ALK: variants seen among roughly 807,000 people sequenced by gnomAD.
The protein encoded by ALK is ALK receptor tyrosine kinase.
Under a neutral mutation model 163.1 loss-of-function variants are expected in ALK, and 74 were observed. That is an observed-to-expected ratio of 0.45 (90% CI 0.38 to 0.55). The LOEUF is 0.55. Among genes scored for constraint, ALK ranks in the 20% least tolerant of loss-of-function variants. ALK has a pLI of 0.00. For synonymous variants in ALK, 960 were observed against 843.2 expected (o/e 1.14, Z -2.40); for missense variants, 2,063 against 2,105.3 (o/e 0.98, Z 0.39).
Position 29,920,731 on chromosome 2 carries a change from A to AGGCTCTGAACAGTCCTTGGTACCCAGC in ALK, c.-99_-73dup, listed in dbSNP as rs1667978118. On this transcript the variant is annotated 5_prime_UTR_variant, in exon 1 of 29. Coordinates refer to ENST00000389048, the MANE Select transcript of ALK (RefSeq NM_004304.5). The stretch of plus-strand genomic sequence containing the variant: ...CCTTCGCTCTCCCCGAGATGGGAAG[A>AGGCTCTGAACAGTCCTTGGTACCCAGC]GGCTCTGAACAGTCCTTGGTACCCA... 5.8e-6 allele frequency: 8 copies of AGGCTCTGAACAGTCCTTGGTACCCAGC among 1,379,112 alleles called. No individual in the cohort carries two copies. The highest frequency in any genetic ancestry group is 4.0e-5 in the Admixed American group (2 of 50,434). 85.4% of individuals were successfully genotyped at this position (1,379,112 alleles called of 1,614,324 possible). A position where few individuals can be genotyped will look rare whatever the true frequency, so the allele number is the denominator to read the frequency against.
chr2:29,563,959 T>C (rs1674101372), intron 3 of ALK, among the ~76,000 whole-genome samples: 3 of 152,196 alleles, frequency 2.0e-5, no homozygotes, highest in African/African-American at 7.2e-5. Flanking sequence ...TGCCACCTCC[T>C]AACCTCAGCC....
chr2:29,565,773 T>C (rs1573460810), intron 3 of ALK, among the ~76,000 whole-genome samples: 1 of 152,266 alleles, frequency 6.6e-6, no homozygotes, highest in East Asian at 1.9e-4. Context: ...AACTGACAGA[T>C]TGTTCCTCTC....
At chr2:29,408,433 G>A (rs1453900295) in intron 4 of ALK, among the ~76,000 whole-genome samples, 2 of 152,108 alleles carry the variant, frequency 1.3e-5, no homozygotes, top group African/African-American at 4.8e-5. Flanking sequence ...TCAGGATGGA[G>A]TGGACCATGA....
chr2:29,328,260 G>T, intron 6 of ALK, 90 bp downstream of exon 6: 1 of 1,587,904 alleles, frequency 6.3e-7, no homozygotes, highest in Non-Finnish European at 8.6e-7. Context: ...CAGGAAGGCT[G>T]TCCATGCTCT....
Position 29,193,777 on chromosome 2 carries a change from C to A in ALK, c.4310G>T (p.Ser1437Ile), listed in dbSNP as rs2148138747. 1 of 1,592,986 alleles carries A rather than the reference C, an allele frequency of 6.3e-7. No individual in the cohort carries two copies. Among genetic ancestry groups the A allele is most frequent in the Non-Finnish European group, 8.6e-7 (1 of 1,169,106 alleles). ...AGGCAGAGGTGGTGGGGCAGCTGGG[C>A]TGCGCTCCTCCTCCCGTTTTGCCTG... ...SQQAKREEER[S>I]PAAPPPLPTT... The change falls in exon 29 of 29, where the codon AGC (serine) becomes ATC (isoleucine). Residue 1437 changes from serine to isoleucine, a missense_variant. Ser to Ile is a moderately radical substitution (Grantham distance 142). Around this residue, in one of 5 missense-constraint regions of ALK, gnomAD observed 403 missense variants for 366.2 expected, o/e 1.10. Transcript: ENST00000389048.
At chr2:29,823,430 G>T (rs1376667142) in intron 1 of ALK, among the ~76,000 whole-genome samples, 7 of 152,158 alleles carry the variant, frequency 4.6e-5, no homozygotes, top group Non-Finnish European at 7.4e-5. Flanking sequence ...AGTTTGGGGG[G>T]CTCAGAATAA....
At chr2:29,520,044 T>G (rs1360911090) in intron 4 of ALK, among the ~76,000 whole-genome samples, 2 of 152,046 alleles carry the variant, frequency 1.3e-5, no homozygotes, top group Non-Finnish European at 2.9e-5. Context: ...TAAGTAGAAG[T>G]CCTGACTGGA....
chr2:29,900,486 A>G (rs796495215), intron 1 of ALK, among the ~76,000 whole-genome samples: 8 of 152,344 alleles, frequency 5.3e-5, no homozygotes, highest in Admixed American at 2.0e-4. Context: ...TATTTCCTAA[A>G]TAGGCAAAAC....
At chr2:29,881,198 T>C (rs1666855099) in intron 1 of ALK, among the ~76,000 whole-genome samples, 1 of 152,138 alleles carries the variant, frequency 6.6e-6, no homozygotes, top group Admixed American at 6.5e-5. Flanking sequence ...TCATTTCCAA[T>C]CCCTCCATTT....
chr2:29,296,590 G>T (rs542514242), intron 9 of ALK, among the ~76,000 whole-genome samples: 1 of 152,322 alleles, frequency 6.6e-6, no homozygotes, highest in Non-Finnish European at 1.5e-5. Flanking sequence ...AATGTGAGTT[G>T]TTCAATTTTA....
chr2:29,513,668 C>G (rs1239589748), intron 4 of ALK, among the ~76,000 whole-genome samples: 34 of 151,434 alleles, frequency 2.2e-4, no homozygotes, highest in South Asian at 6.3e-4. Context: ...TTAAACTAAA[C>G]AGCTTCTGCA....
At chr2:29,396,531 G>A (rs1461437279) in intron 4 of ALK, among the ~76,000 whole-genome samples, 1 of 152,050 alleles carries the variant, frequency 6.6e-6, no homozygotes, top group East Asian at 1.9e-4. Context: ...AAAATCAGCT[G>A]GACATGGTGG....
At chr2:29,262,437 C>T (rs1001043367) in intron 11 of ALK, among the ~76,000 whole-genome samples, 3 of 152,160 alleles carry the variant, frequency 2.0e-5, no homozygotes, top group Admixed American at 6.5e-5. Context: ...TGTATACACA[C>T]CCACCCCGTT....
chr2:29,437,429 G>A (rs1490929068), intron 4 of ALK, among the ~76,000 whole-genome samples: 1 of 152,166 alleles, frequency 6.6e-6, no homozygotes, highest in African/African-American at 2.4e-5. Flanking sequence ...AGAATACCAA[G>A]TTCAGACAAG....
intron 24 of ALK, among the ~76,000 whole-genome samples, chr2:29,213,064 A>G (rs969275546): frequency 9.9e-5 from 15 of 152,268 alleles, no homozygotes; most frequent in African/African-American, 3.4e-4. Flanking sequence ...TATTATGAAC[A>G]TGCCTTAAAC....
intron 11 of ALK, among the ~76,000 whole-genome samples, chr2:29,264,166 C>T (rs1324763498): frequency 6.6e-6 from 1 of 152,220 alleles, no homozygotes. Flanking sequence ...GCATGCTCCC[C>T]TACTCCACCC....
At chr2:29,299,988 G>A (rs778237455) in intron 8 of ALK, among the ~76,000 whole-genome samples, 10 of 152,194 alleles carry the variant, frequency 6.6e-5, no homozygotes, top group Non-Finnish European at 1.5e-4. Flanking sequence ...AAGGTCTAAA[G>A]TTTGAACTAG....
Position 29,342,960 on chromosome 2 carries a change from G to A in ALK, c.1283-14479C>T, listed in dbSNP as rs529054403. On this transcript the variant is annotated intron_variant, in intron 5 of 28. Transcript: ENST00000389048. Reference sequence around the variant, plus strand: ...TGCAGTGGCGCGATCTCTGCCCGCTGCAAGCTCTGCCTCCTGGGTTCGTGC... The same window carrying A: ...TGCAGTGGCGCGATCTCTGCCCGCTACAAGCTCTGCCTCCTGGGTTCGTGC... Among the ~76,000 whole-genome samples, 7 of 140,270 alleles carry A rather than the reference G, an allele frequency of 5.0e-5. No homozygotes were observed. The South Asian group carries it at 1.6e-3, about 32-fold the overall frequency. 92.0% of individuals were successfully genotyped at this position (140,270 alleles called of 152,430 possible). A position where few individuals can be genotyped will look rare whatever the true frequency, so the allele number is the denominator to read the frequency against.
intron 1 of ALK, among the ~76,000 whole-genome samples, chr2:29,856,905 A>G (rs930201343): frequency 6.6e-6 from 1 of 151,598 alleles, no homozygotes; most frequent in Non-Finnish European, 1.5e-5. Flanking sequence ...AGGATTCTGT[A>G]ATAGGATTCT....
Sources: allele counts gnomAD v4.1 joint callset (sites outside exome capture counted in the v4.1 genomes callset), GRCh38; gene constraint gnomAD v4.1.1; regional missense constraint gnomAD v4.1.1; transcripts MANE v1.5; gene names NCBI Gene and HGNC (gene_info 2026-07-23, HGNC 2026-07-21).